Variants in SLC27A1 observed in about 807,000 individuals in gnomAD.
SLC27A1 encodes long-chain fatty acid transport protein 1.
In SLC27A1, 61 loss-of-function variants were observed where a neutral mutation model predicts 62.2. That is an observed-to-expected ratio of 0.98 (90% confidence interval 0.80 to 1.21). SLC27A1 has a LOEUF of 1.21. Among genes scored for constraint, SLC27A1 ranks in the 50% most tolerant of loss-of-function variants. The pLI is 0.00. For missense variants in SLC27A1, 903 were observed against 932.1 expected, an observed-to-expected ratio of 0.97 and a Z score of 0.41; for synonymous variants, 435 against 408.6, an observed-to-expected ratio of 1.06 and a Z score of -0.78.
intron 1 of SLC27A1, among the ~76,000 whole-genome samples, chr19:17,481,293 C>T (rs539800154): frequency 5.3e-5 from 8 of 149,956 alleles, no homozygotes; most frequent in Non-Finnish European, 1.2e-4. Flanking sequence ...CACGTTGCTC[C>T]AAAGCACATG....
intron 11 of SLC27A1, among the ~76,000 whole-genome samples, chr19:17,503,201 G>A (rs1470155125): frequency 6.6e-6 from 1 of 152,096 alleles, no homozygotes; most frequent in Non-Finnish European, 1.5e-5. Context: ...CACGTGGGAA[G>A]TATGGGAGCT....
rs911010322 is a variant in SLC27A1, at chr19:17,489,180, A to G, written c.996+63A>G. On this transcript the variant is annotated intron_variant, in intron 6 of 11. Transcript: ENST00000252595. ...CCCAGCCAGGCCTCACCCCCTCCCA[A>G]TCAGGCCCCACCTCCTCCCGGTGAG... is the stretch of plus-strand genomic sequence containing the variant. 13 of 1,378,336 alleles carry G rather than the reference A, an allele frequency of 9.4e-6. No homozygotes were observed. The Admixed American group carries it at 1.8e-4, about 19-fold the overall frequency. The allele number at this position is 1,378,336 out of a possible 1,614,324, so 85.4% of individuals were successfully genotyped here.
chr19:17,490,051 C>T (rs1416354880), intron 6 of SLC27A1: 1 of 152,192 alleles, frequency 6.6e-6, no homozygotes, highest in Non-Finnish European at 1.5e-5. Flanking sequence ...CCACAAGGTC[C>T]ACAGCTGTGC....
chr19:17,476,767 T>C (rs111335939), intron 1 of SLC27A1, among the ~76,000 whole-genome samples: 4 of 152,224 alleles, frequency 2.6e-5, no homozygotes, highest in African/African-American at 9.6e-5. Flanking sequence ...GAGCCCCCAG[T>C]TCATTCATTA....
At chr19:17,474,899 G>C (rs1402369090) in intron 1 of SLC27A1, among the ~76,000 whole-genome samples, 1 of 150,434 alleles carries the variant, frequency 6.6e-6, no homozygotes, top group East Asian at 1.9e-4. Flanking sequence ...CAAAGTGCTG[G>C]GATTACAGGT....
chr19:17,480,341 T>A (rs1235421517), intron 1 of SLC27A1, among the ~76,000 whole-genome samples: 2 of 151,802 alleles, frequency 1.3e-5, no homozygotes, highest in African/African-American at 2.4e-5. Flanking sequence ...TTTTTAAAAA[T>A]TTTTGAGACA....
At chr19:17,478,878 AAAG>A (rs1351431148) in intron 1 of SLC27A1, among the ~76,000 whole-genome samples, 1 of 152,128 alleles carries the variant, frequency 6.6e-6, no homozygotes, top group Non-Finnish European at 1.5e-5. Context: ...GTCTCAAAAA[AAAG>A]AAGGCAGAGT....
At chr19:17,503,561 G>A (rs2075439809) in intron 11 of SLC27A1, 1 of 151,594 alleles carries the variant, frequency 6.6e-6, no homozygotes, top group South Asian at 2.1e-4. Flanking sequence ...CTGGGCTCAA[G>A]TGATTCTCCC....
upstream of SLC27A1, among the ~76,000 whole-genome samples, chr19:17,469,289 G>A (rs925288376): frequency 1.3e-5 from 2 of 152,132 alleles, no homozygotes; most frequent in Non-Finnish European, 2.9e-5. Context: ...AGGCCCCAAT[G>A]GTGTGAGTTG....
chr19:17,486,775 C>G lies in SLC27A1; in HGVS notation c.380C>G (p.Pro127Arg), dbSNP rs772270748. ...ANLFRQLGFA[P>R]GDVVAIFLEG... ...CTCTTCCGCCAGCTGGGCTTCGCGCCGGGCGACGTGGTGGCCATCTTCCTG... is the reference window on the plus strand; with the variant it reads ...CTCTTCCGCCAGCTGGGCTTCGCGCGGGGCGACGTGGTGGCCATCTTCCTG... Residue 127 changes from proline to arginine, a missense_variant, in exon 2 of 12, where the codon CCG becomes CGG. Physicochemically the swap from Pro to Arg is moderately radical, Grantham distance 103 (BLOSUM62 -2). Coordinates refer to ENST00000252595, the MANE Select transcript of SLC27A1 (RefSeq NM_198580.3). This position sits in a 1 kb window ranked among gnomAD's most constrained non-coding sequence, Gnocchi z 6.6. The G allele has an allele frequency of 1.0e-5, 16 of 1,604,904 alleles. No homozygotes were observed. Among genetic ancestry groups the G allele is most frequent in the Non-Finnish European group, 1.4e-5 (16 of 1,176,012 alleles).
chr19:17,477,177 C>T (rs1019683969), intron 1 of SLC27A1, among the ~76,000 whole-genome samples: 1 of 147,190 alleles, frequency 6.8e-6, no homozygotes, highest in African/African-American at 2.5e-5. Context: ...GTGTGAGCTA[C>T]TATGTCTAGC....
chr19:17,480,785 A>G (rs2075169781), intron 1 of SLC27A1, among the ~76,000 whole-genome samples: 1 of 151,986 alleles, frequency 6.6e-6, no homozygotes, highest in Non-Finnish European at 1.5e-5. Context: ...CCCATTGTCC[A>G]GGTAGTGAAC....
At chr19:17,497,200 C>G in intron 6 of SLC27A1, 55 bp from the exon 7 acceptor site, 1 of 1,478,858 alleles carries the variant, frequency 6.8e-7, no homozygotes, top group Non-Finnish European at 9.1e-7. Flanking sequence ...TCCTCTGATC[C>G]GGGCTCCCCA....
intron 6 of SLC27A1, chr19:17,496,915 C>T (rs951737011): frequency 1.8e-5 from 4 of 219,042 alleles, no homozygotes; most frequent in South Asian, 1.7e-4. Context: ...CCCAGCTACT[C>T]GGGAGGCTAA....
At chr19:17,483,052 G>A (rs1409596984) in intron 1 of SLC27A1, among the ~76,000 whole-genome samples, 2 of 150,374 alleles carry the variant, frequency 1.3e-5, no homozygotes, top group African/African-American at 2.5e-5. Flanking sequence ...GAATGAATGA[G>A]GGAACGAGTG....
Position 17,500,745 on chromosome 19 carries a change from T to C in SLC27A1, c.1505T>C (p.Met502Thr), listed in dbSNP as rs1163427807. The C allele has an allele frequency of 1.1e-5, 17 of 1,613,906 alleles. No homozygotes were observed. Among genetic ancestry groups the C allele is most frequent in the East Asian group, 2.2e-5 (1 of 44,892 alleles). The change falls in exon 10 of 12, where the codon ATG becomes ACG. Residue 502 changes from methionine to threonine, a missense_variant. By Grantham distance (81) the Met-to-Thr change is moderately conservative (BLOSUM62 -1). Transcript: ENST00000252595. ...DVLVMDELGY[M>T]YFRDRSGDTF... The stretch of plus-strand genomic sequence containing the variant: ...CTAGTGATGGATGAGCTGGGCTACA[T>C]GTACTTCCGGGACCGTAGCGGGGAC...
In SLC27A1 at chr19:17,486,527, C is replaced by A; in HGVS notation, c.168-36C>A. ...CTCCCAGAGGCCAGGCGGGGCAGGG[C>A]ACCAGTGACGCTGTCCCCTCCGTCC... On this transcript the variant is annotated intron_variant, in intron 1 of 11. Transcript: ENST00000252595. The surrounding 1 kb of genome is among the most constrained non-coding windows in gnomAD (Gnocchi z 6.6). The A allele has an allele frequency of 6.5e-7, 1 of 1,532,488 alleles. No homozygotes were observed. Among genetic ancestry groups the A allele is most frequent in the Non-Finnish European group, 8.7e-7 (1 of 1,144,906 alleles). 94.9% of individuals were successfully genotyped at this position (1,532,488 alleles called of 1,614,324 possible). A position where few individuals can be genotyped will look rare whatever the true frequency, so the allele number is the denominator to read the frequency against.
rs377644128 is a variant in SLC27A1 at position 17,497,075 on chromosome 19, G to A, written c.997-180G>A. ...AGACCCTTTGCAAGAGACTGAACGA[G>A]TCCTAGGAGTCAATGTGGTCCCTAA... On this transcript the variant is annotated intron_variant, in intron 6 of 11. Coordinates refer to ENST00000252595, the MANE Select transcript of SLC27A1 (RefSeq NM_198580.3). The A allele has an allele frequency of 5.5e-5, 30 of 548,386 alleles. 1 individual carries two copies. Among genetic ancestry groups the A allele is most frequent in the East Asian group, 2.4e-4 (7 of 28,634 alleles). 34.0% of individuals were successfully genotyped at this position (548,386 alleles called of 1,614,324 possible).
At chr19:17,489,350 C>T (rs1365638081) in intron 6 of SLC27A1, among the ~76,000 whole-genome samples, 2 of 152,064 alleles carry the variant, frequency 1.3e-5, no homozygotes, top group South Asian at 2.1e-4. Context: ...CCTGCTCCCC[C>T]GTCTCTAGGG....
Sources: gnomAD v4.1 joint callset for allele counts (sites outside exome capture counted in the v4.1 genomes callset) on GRCh38, gnomAD v4.1.1 for gene constraint, Gnocchi (gnomAD v3.1) non-coding constraint, MANE v1.5 for transcripts, NCBI Gene and HGNC (gene_info 2026-07-23, HGNC 2026-07-21) for gene names.